MAPKAP1: variants seen among roughly 807,000 people sequenced by gnomAD.
MAPKAP1 encodes the protein MAPK associated protein 1.
A neutral mutation model predicts 65.7 loss-of-function variants in MAPKAP1; 20 were observed. The ratio of observed to expected loss-of-function variants is 0.30; its 90% confidence interval spans 0.21 to 0.44. The LOEUF (loss-of-function observed/expected upper bound fraction) is 0.44. Among genes scored for constraint, MAPKAP1 ranks in the 20% least tolerant of loss-of-function variants. The probability of loss-of-function intolerance (pLI) is 1.00; values close to 1 mark genes in which losing one functional copy is unlikely to be tolerated. For synonymous variants in MAPKAP1, 222 were observed against 244.3 expected (o/e 0.91, Z 0.85); for missense variants, 423 against 648.0 (o/e 0.65, Z 3.77).
intron 10 of MAPKAP1, among the ~76,000 whole-genome samples, chr9:125,458,491 T>A (rs1349621173): frequency 6.6e-6 from 1 of 152,004 alleles, no homozygotes; most frequent in African/African-American, 2.4e-5. Context: ...CATTTAACCC[T>A]GAGTGGACAC....
chr9:125,525,315 A>G (rs546942125), intron 7 of MAPKAP1, among the ~76,000 whole-genome samples: 1 of 152,316 alleles, frequency 6.6e-6, no homozygotes, highest in South Asian at 2.1e-4. Flanking sequence ...CATTATTATT[A>G]TTTTCATTCA....
intron 4 of MAPKAP1, among the ~76,000 whole-genome samples, chr9:125,644,884 C>T (rs115391555): frequency 0.011 from 1,658 of 152,252 alleles, 39 homozygotes; most frequent in African/African-American, 0.037. Flanking sequence ...TACATATTAA[C>T]ATTTTTCTCT....
chr9:125,706,834 G>A, intron 1 of MAPKAP1, 137 bp downstream of exon 1: 1 of 319,298 alleles, frequency 3.1e-6, no homozygotes, highest in Non-Finnish European at 5.7e-6. Context: ...AAACGAACGC[G>A]CCCGGGCCAC....
chr9:125,677,235 T>C (rs1055377466), intron 1 of MAPKAP1, among the ~76,000 whole-genome samples: 1 of 152,000 alleles, frequency 6.6e-6, no homozygotes, highest in South Asian at 2.1e-4. Context: ...GGTCAGGAGT[T>C]TGAGACCGAC....
intron 8 of MAPKAP1, among the ~76,000 whole-genome samples, chr9:125,492,293 A>G (rs1854765581): frequency 6.6e-6 from 1 of 152,216 alleles, no homozygotes; most frequent in Non-Finnish European, 1.5e-5. Context: ...AAAAAGTTTG[A>G]GAACTGCTGA....
chr9:125,656,894 T>C (rs1834047463), intron 4 of MAPKAP1, among the ~76,000 whole-genome samples: 1 of 152,144 alleles, frequency 6.6e-6, no homozygotes, highest in South Asian at 2.1e-4. Flanking sequence ...AGGATCCACC[T>C]GAAATAGTGG....
intron 4 of MAPKAP1, among the ~76,000 whole-genome samples, chr9:125,593,521 G>T (rs1158183825): frequency 6.6e-6 from 1 of 152,108 alleles, no homozygotes; most frequent in Non-Finnish European, 1.5e-5. Flanking sequence ...AATTAGCCAG[G>T]TGTGGTGGCG....
rs778430537 is a variant in MAPKAP1, at chr9:125,439,214, C to A, written c.1444-202G>T. On this transcript the variant is annotated intron_variant, in intron 11 of 11. Coordinates refer to ENST00000265960, the MANE Select transcript of MAPKAP1 (RefSeq NM_001006617.3). The surrounding 1 kb of genome is among the most constrained non-coding windows in gnomAD (Gnocchi z 4.0). Reference sequence around the variant, plus strand: ...CTGCTCTACGATGGGAAAACAGAGGCTTGGAGAAGCCAAGTGGCCAGTCCA... The same window carrying A: ...CTGCTCTACGATGGGAAAACAGAGGATTGGAGAAGCCAAGTGGCCAGTCCA... Among the ~76,000 whole-genome samples, 6 of 152,248 alleles carry A rather than the reference C, an allele frequency of 3.9e-5. No individual in the cohort carries two copies. The highest frequency in any genetic ancestry group is 8.8e-5 in the Non-Finnish European group (6 of 68,036).
At chr9:125,477,067 T>C (rs374131971) in intron 9 of MAPKAP1, among the ~76,000 whole-genome samples, 16 of 152,252 alleles carry the variant, frequency 1.1e-4, no homozygotes, top group African/African-American at 3.6e-4. Flanking sequence ...TGATTATACA[T>C]ACTGGACAGT....
At chr9:125,516,082 T>C (rs1354501586) in intron 7 of MAPKAP1, among the ~76,000 whole-genome samples, 2 of 152,188 alleles carry the variant, frequency 1.3e-5, no homozygotes, top group East Asian at 3.8e-4. Context: ...TCCAACTAAT[T>C]TGTCTCAGAC....
intron 7 of MAPKAP1, among the ~76,000 whole-genome samples, chr9:125,512,740 C>A (rs1017828724): frequency 6.6e-6 from 1 of 152,012 alleles, no homozygotes; most frequent in Non-Finnish European, 1.5e-5. Context: ...CGCCACCATG[C>A]CCGGCTAATT....
At chr9:125,494,342 T>C (rs1265137063) in intron 8 of MAPKAP1, among the ~76,000 whole-genome samples, 1 of 152,162 alleles carries the variant, frequency 6.6e-6, no homozygotes, top group Non-Finnish European at 1.5e-5. Flanking sequence ...GTAATCTCTT[T>C]AAAGCCATCG....
At chr9:125,656,569 A>G (rs747235395) in intron 4 of MAPKAP1, among the ~76,000 whole-genome samples, 1 of 152,206 alleles carries the variant, frequency 6.6e-6, no homozygotes, top group Admixed American at 6.5e-5. Flanking sequence ...TGTAGGAAGT[A>G]AAAGTCTTTC....
intron 6 of MAPKAP1, among the ~76,000 whole-genome samples, chr9:125,556,165 C>G (rs1205794912): frequency 5.9e-5 from 9 of 152,222 alleles, no homozygotes; most frequent in Non-Finnish European, 1.0e-4. Context: ...CATAACTGAT[C>G]TGTGAGGTAG....
Position 125,699,637 on chromosome 9 carries a change from ATTTT to A in MAPKAP1, c.-70+7330_-70+7333del, listed in dbSNP as rs576223488. Among the ~76,000 whole-genome samples the A allele has an allele frequency of 6.5e-3, 890 of 136,464 alleles. 16 individuals carry two copies. The highest frequency in any genetic ancestry group is 0.021 in the African/African-American group (801 of 37,434). 89.5% of individuals were successfully genotyped at this position (136,464 alleles called of 152,430 possible). On this transcript the variant is annotated intron_variant, in intron 1 of 11. Coordinates refer to ENST00000265960, the MANE Select transcript of MAPKAP1 (RefSeq NM_001006617.3). The stretch of plus-strand genomic sequence containing the variant: ...GAATTTTGAAGGATTTTTGATTTTG[ATTTT>A]TTTTTTTTTTTGAGACAGTCTTGCT...
chr9:125,559,102 A>C (rs1285885678), intron 6 of MAPKAP1: 1 of 152,280 alleles, frequency 6.6e-6, no homozygotes, highest in African/African-American at 2.4e-5. Flanking sequence ...ATAACTTTAA[A>C]TAACAGAATA....
At chr9:125,601,434 A>C (rs1203223865) in intron 4 of MAPKAP1, among the ~76,000 whole-genome samples, 1 of 152,150 alleles carries the variant, frequency 6.6e-6, no homozygotes, top group African/African-American at 2.4e-5. Context: ...AAAATCCACA[A>C]ATTTCTATAC....
intron 11 of MAPKAP1, among the ~76,000 whole-genome samples, chr9:125,442,367 G>C (rs1156269583): frequency 6.6e-6 from 1 of 152,034 alleles, no homozygotes; most frequent in Non-Finnish European, 1.5e-5. Flanking sequence ...GGAGCATTTG[G>C]ACCTGTAAAA....
chr9:125,462,298 G>T (rs1329308400), intron 10 of MAPKAP1, among the ~76,000 whole-genome samples: 3 of 152,178 alleles, frequency 2.0e-5, no homozygotes, highest in African/African-American at 7.2e-5. Flanking sequence ...TGGGGGTGAG[G>T]AATGCACATA....
Sources: allele counts gnomAD v4.1 joint callset (sites outside exome capture counted in the v4.1 genomes callset), GRCh38; gene constraint gnomAD v4.1.1; non-coding constraint Gnocchi (gnomAD v3.1); transcripts MANE v1.5; gene names NCBI Gene and HGNC (gene_info 2026-07-23, HGNC 2026-07-21).